The following SLC13A5 variants were observed in gnomAD, a reference collection of about 807,000 sequenced individuals.
The protein encoded by SLC13A5 is solute carrier family 13 member 5, also known as Na(+)/citrate cotransporter.
SLC13A5 carries 25 observed loss-of-function variants against 56.5 expected under a neutral mutation model. The ratio of observed to expected loss-of-function variants is 0.44; its 90% CI spans 0.32 to 0.62. The LOEUF (loss-of-function observed/expected upper bound fraction) is 0.62. Among genes scored for constraint, SLC13A5 ranks in the 20% least tolerant of loss-of-function variants. The probability of loss-of-function intolerance (pLI) is 0.04; values close to 1 mark genes in which losing one functional copy is unlikely to be tolerated. For synonymous variants in SLC13A5, 307 were observed against 301.5 expected, an observed-to-expected ratio of 1.02 and a Z score of -0.19; for missense variants, 649 against 737.8, an observed-to-expected ratio of 0.88 and a Z score of 1.39.
intron 6 of SLC13A5, among the ~76,000 whole-genome samples, chr17:6,699,691 G>A (rs990973174): frequency 2.7e-5 from 4 of 150,868 alleles, no homozygotes; most frequent in African/African-American, 9.8e-5. Flanking sequence ...GGCTGGTCTC[G>A]AGCTCCTGAC....
Position 6,711,029 on chromosome 17 carries a change from G to A in SLC13A5, c.102+2203C>T, listed in dbSNP as rs986062130. On this transcript the variant is annotated intron_variant, in intron 1 of 11. Coordinates refer to ENST00000433363, the MANE Select transcript of SLC13A5 (RefSeq NM_177550.5). This position sits in a 1 kb window ranked among gnomAD's most constrained non-coding sequence, Gnocchi z 4.0. ...GTGGAGCAGAGATGAGGCCAGGAGG[G>A]AATCCAGGTGGAGACAGGAAAACTG... Among the ~76,000 whole-genome samples the A allele has an allele frequency of 2.6e-5, 4 of 152,010 alleles. No individual in the cohort carries two copies. The highest frequency in any genetic ancestry group is 9.7e-5 in the African/African-American group (4 of 41,388).
In SLC13A5 at chr17:6,713,030, T is replaced by C. The variant is rs1974080855; in HGVS notation, c.102+202A>G. 6.6e-6 allele frequency among the ~76,000 whole-genome samples: 1 copy of C among 152,158 alleles called. No homozygotes were observed. Among genetic ancestry groups the C allele is most frequent in the Non-Finnish European group, 1.5e-5 (1 of 68,028 alleles). On this transcript the variant is annotated intron_variant, in intron 1 of 11. Transcript: ENST00000433363. The surrounding 1 kb of genome is among the most constrained non-coding windows in gnomAD (Gnocchi z 7.3). ...TGGGATCTGTAAACCCCAAGGGTGG[T>C]GCGCCCTGGGGTCGCCATGCCCCTC...
At chr17:6,707,987 T>C (rs906079374) in intron 1 of SLC13A5, among the ~76,000 whole-genome samples, 3 of 152,208 alleles carry the variant, frequency 2.0e-5, no homozygotes, top group Admixed American at 2.0e-4. Context: ...TGTGTGTGTG[T>C]GTGTGACAGA....
rs1415995914 is a variant in SLC13A5 at position 6,703,929 on chromosome 17, T to C, written c.496A>G (p.Thr166Ala). The C allele has an allele frequency of 1.2e-6, 2 of 1,600,068 alleles. No homozygotes were observed. The highest frequency in any genetic ancestry group is 1.7e-6 in the Non-Finnish European group (2 of 1,171,982). The change falls in exon 4 of 12, where the codon ACC becomes GCC. Residue 166 changes from threonine to alanine, a missense_variant. Transcript: ENST00000433363. ...LQQMEATSAA[T>A]EAGLELVDKG... is the part of the protein sequence containing the mutation. ...TCCACCAGCTCCAGGCCGGCCTCGG[T>C]GGCTGCGCTTGTGGCTTCCATCTGC... is the stretch of plus-strand genomic sequence containing the variant.
At chr17:6,708,802 G>A (rs897875152) in intron 1 of SLC13A5, among the ~76,000 whole-genome samples, 2 of 152,118 alleles carry the variant, frequency 1.3e-5, no homozygotes, top group East Asian at 1.9e-4. Context: ...TGACACGCAC[G>A]CCCACGCTCA....
Position 6,695,826 on chromosome 17 carries a change from C to A in SLC13A5, c.955G>T (p.Val319Leu). The A allele has an allele frequency of 1.2e-6, 2 of 1,614,166 alleles. No individual in the cohort carries two copies. The highest frequency in any genetic ancestry group is 1.7e-6 in the Non-Finnish European group (2 of 1,180,036). Residue 319 changes from valine (V) to leucine (L), a missense_variant, in exon 7 of 12, where the codon GTG becomes TTG. Val to Leu is a conservative substitution (Grantham distance 32). Coordinates refer to ENST00000433363, the MANE Select transcript of SLC13A5 (RefSeq NM_177550.5). Reference protein sequence around the residue: ...LGPLSFAEINVLICFFLLVIL... With the variant: ...LGPLSFAEINLLICFFLLVIL... The stretch of plus-strand genomic sequence containing the variant: ...ACCAGCAGGAAGAAGCAGATCAGCA[C>A]GTTGATCTCCGCGAAGGACAAGGGC...
In SLC13A5 at chr17:6,695,938, A is replaced by G; in HGVS notation, c.843T>C (p.Phe281=). ...WLQFVYMRFN[F]KKSWGCGLES... The stretch of plus-strand genomic sequence containing the variant: ...CTAGCCCGCAGCCCCAGGACTTTTT[A>G]AAACTGGAGAATGCAAAGATGAGAG... The change falls in exon 7 of 12, where the codon TTT becomes TTC. Residue 281 remains phenylalanine (F), a synonymous_variant. Coordinates refer to ENST00000433363, the MANE Select transcript of SLC13A5 (RefSeq NM_177550.5). The G allele has an allele frequency of 6.2e-7, 1 of 1,613,650 alleles. No individual in the cohort carries two copies. The highest frequency in any genetic ancestry group is 1.7e-5 in the Admixed American group (1 of 59,982).
intron 1 of SLC13A5, among the ~76,000 whole-genome samples, chr17:6,707,729 C>T (rs975887430): frequency 6.6e-6 from 1 of 151,848 alleles, no homozygotes; most frequent in African/African-American, 2.4e-5. Flanking sequence ...CATGTTCTCC[C>T]TTATAAGTGG....
In SLC13A5 at chr17:6,708,110, C is replaced by T. The variant is rs1359644654; in HGVS notation, c.103-954G>A. ...GCCTCAACCTCCGGAGTTGGGATTGCAGGCACCTGCCACCACGCCCTGCTA... is the reference window on the plus strand; with the variant it reads ...GCCTCAACCTCCGGAGTTGGGATTGTAGGCACCTGCCACCACGCCCTGCTA... On this transcript the variant is annotated intron_variant, in intron 1 of 11. Coordinates refer to ENST00000433363, the MANE Select transcript of SLC13A5 (RefSeq NM_177550.5). Among the ~76,000 whole-genome samples, 4 of 152,198 alleles carry T rather than the reference C, an allele frequency of 2.6e-5. No homozygotes were observed. The South Asian group carries it at 6.2e-4, about 24-fold the overall frequency.
intron 7 of SLC13A5, chr17:6,695,437 T>C (rs998964297): frequency 1.6e-5 from 5 of 310,328 alleles, no homozygotes; most frequent in African/African-American, 1.1e-4. Flanking sequence ...TTGCCCAGGC[T>C]GGAGTGCAGT....
intron 1 of SLC13A5, among the ~76,000 whole-genome samples, chr17:6,709,483 T>A (rs1973962400): frequency 6.6e-6 from 1 of 152,104 alleles, no homozygotes; most frequent in Non-Finnish European, 1.5e-5. Context: ...TTGGCCAGGA[T>A]GGTCTTGATC....
Position 6,686,158 on chromosome 17 carries a change from G to C in SLC13A5, c.*49C>G, listed in dbSNP as rs770354106. On this transcript the variant is annotated 3_prime_UTR_variant, in exon 12 of 12. Transcript: ENST00000433363. ...CTGTACAAGGTGTGCCAGAAGGTTCGGTAGTCCTGAGGAGGGTAAGGGCTG... is the reference window on the plus strand; with the variant it reads ...CTGTACAAGGTGTGCCAGAAGGTTCCGTAGTCCTGAGGAGGGTAAGGGCTG... 1.2e-6 allele frequency: 2 copies of C among 1,611,680 alleles called. No homozygotes were observed. The highest frequency in any genetic ancestry group is 3.3e-5 in the Admixed American group (2 of 59,926).
At chr17:6,688,885 G>C (rs898385175) in intron 10 of SLC13A5, 7 of 151,696 alleles carry the variant, frequency 4.6e-5, no homozygotes, top group African/African-American at 1.7e-4. Context: ...TGCATTATTA[G>C]ACATTTTTAG....
At position 6,694,144 on chromosome 17, in the gene SLC13A5, A is replaced by G; in HGVS notation, c.1109T>C (p.Val370Ala). 1 of 1,613,832 alleles carries G rather than the reference A, an allele frequency of 6.2e-7. No individual in the cohort carries two copies. The highest frequency in any genetic ancestry group is 8.5e-7 in the Non-Finnish European group (1 of 1,179,870). Residue 370 changes from valine (V) to alanine (A), a missense_variant, in exon 8 of 12, where the codon GTG becomes GCG. Coordinates refer to ENST00000433363, the MANE Select transcript of SLC13A5 (RefSeq NM_177550.5). ...AIFVATLLFI[V>A]PSQKPKFNFR... ...GTTAAACTTGGGCTTCTGTGAAGGC[A>G]CAATGAATAGCAGGGTGGCCACAAA...
At position 6,699,084 on chromosome 17, in the gene SLC13A5, T is replaced by TA. The variant is rs1555542272; in HGVS notation, c.839+1919dup. Among the ~76,000 whole-genome samples, 1,145 of 115,178 alleles carry TA rather than the reference T, an allele frequency of 9.9e-3. 9 individuals carry two copies. The highest frequency in any genetic ancestry group is 0.014 in the Non-Finnish European group (742 of 54,820). The allele number at this position is 115,178 out of a possible 152,430, so 75.6% of individuals were successfully genotyped here. On this transcript the variant is annotated intron_variant, in intron 6 of 11. Transcript: ENST00000433363. Reference sequence around the variant, plus strand: ...ATAAATAAATAAATAAATAAATAAATAAATAAAATAAAATAAAATAAAATA... The same window carrying TA: ...ATAAATAAATAAATAAATAAATAAATAAAATAAAATAAAATAAAATAAAATA...
chr17:6,691,511 G>A (rs1237145668), intron 9 of SLC13A5, among the ~76,000 whole-genome samples: 1 of 152,224 alleles, frequency 6.6e-6, no homozygotes, highest in East Asian at 1.9e-4. Context: ...TCCAGGGAGA[G>A]AATGAAGTGT....
intron 8 of SLC13A5, chr17:6,693,657 C>T (rs1353295481): frequency 6.3e-6 from 1 of 158,572 alleles, no homozygotes; most frequent in African/African-American, 2.4e-5. Flanking sequence ...TATTTGAAGA[C>T]TGTAGCAATA....
chr17:6,687,778 C>G lies in SLC13A5; in HGVS notation c.1438-112G>C. 21 of 1,342,884 alleles carry G rather than the reference C, an allele frequency of 1.6e-5. No individual in the cohort carries two copies. Among genetic ancestry groups the G allele is most frequent in the Non-Finnish European group, 2.0e-5 (20 of 1,020,522 alleles). The allele number at this position is 1,342,884 out of a possible 1,614,324, so 83.2% of individuals were successfully genotyped here. A position where few individuals can be genotyped will look rare whatever the true frequency, so the allele number is the denominator to read the frequency against. ...CGGGTACGTTTGAACCTCTGTGCCT[C>G]AGTCTTGGTTCCTCTCCCTTTTGCC... On this transcript the variant is annotated intron_variant, in intron 10 of 11. Transcript: ENST00000433363. This position sits in a 1 kb window ranked among gnomAD's most constrained non-coding sequence, Gnocchi z 5.0.
At position 6,713,116 on chromosome 17, in the gene SLC13A5, G is replaced by A. The variant is rs1974082895; in HGVS notation, c.102+116C>T. ...GAGCTCCTGAGTGCGCGCGCCCCGG[G>A]AGAGCTGTGCTCCCCGCGAAATCCG... On this transcript the variant is annotated intron_variant, in intron 1 of 11. Coordinates refer to ENST00000433363, the MANE Select transcript of SLC13A5 (RefSeq NM_177550.5). The surrounding 1 kb of genome is among the most constrained non-coding windows in gnomAD (Gnocchi z 7.3). 1.9e-6 allele frequency: 2 copies of A among 1,041,254 alleles called. No individual in the cohort carries two copies. The highest frequency in any genetic ancestry group is 1.4e-5 in the South Asian group (1 of 69,632). The allele number at this position is 1,041,254 out of a possible 1,614,324, so 64.5% of individuals were successfully genotyped here.
Sources: allele counts gnomAD v4.1 joint callset (sites outside exome capture counted in the v4.1 genomes callset), GRCh38; gene constraint gnomAD v4.1.1; non-coding constraint Gnocchi (gnomAD v3.1); transcripts MANE v1.5; gene names NCBI Gene and HGNC (gene_info 2026-07-23, HGNC 2026-07-21).